Variants in PARD3B observed in about 807,000 individuals in gnomAD.
PARD3B encodes par-3 family cell polarity regulator beta, also known as partitioning defective 3 homolog B.
Under a neutral mutation model 130.2 loss-of-function variants are expected in PARD3B, and 103 were observed. That is an observed-to-expected ratio of 0.79 (90% CI 0.67 to 0.93). PARD3B has a LOEUF of 0.93. Among genes scored for constraint, PARD3B ranks in the 40% least tolerant of loss-of-function variants. The pLI, the probability that PARD3B is intolerant of heterozygous loss-of-function variation, is 0.00. For synonymous variants in PARD3B, 583 were observed against 553.2 expected (o/e 1.05, Z -0.76); for missense variants, 1,609 against 1,499.2 (o/e 1.07, Z -1.21).
At chr2:204,795,824 T>C (rs1332814341) in intron 2 of PARD3B, among the ~76,000 whole-genome samples, 1 of 152,262 alleles carries the variant, frequency 6.6e-6, no homozygotes, top group Non-Finnish European at 1.5e-5. Flanking sequence ...AAATCATTTT[T>C]AGTTTACTAA....
chr2:205,587,005 G>GTC (rs2054220551), intron 22 of PARD3B, among the ~76,000 whole-genome samples: 1 of 152,158 alleles, frequency 6.6e-6, no homozygotes, highest in Non-Finnish European at 1.5e-5. Flanking sequence ...AGAGCAAAGA[G>GTC]TCTCCATGCC....
At chr2:205,172,706 T>A (rs982733813) in intron 12 of PARD3B, among the ~76,000 whole-genome samples, 7 of 152,202 alleles carry the variant, frequency 4.6e-5, no homozygotes, top group African/African-American at 1.7e-4. Context: ...AGAAAGTGTC[T>A]AATCACATGT....
At chr2:204,866,319 G>A (rs1449202931) in intron 2 of PARD3B, among the ~76,000 whole-genome samples, 1 of 152,108 alleles carries the variant, frequency 6.6e-6, no homozygotes, top group East Asian at 1.9e-4. Context: ...GTGAGCTTTT[G>A]TTGTGAGTTA....
At chr2:205,205,753 G>C (rs188530876) in intron 15 of PARD3B, among the ~76,000 whole-genome samples, 2 of 152,282 alleles carry the variant, frequency 1.3e-5, no homozygotes, top group East Asian at 3.9e-4. Flanking sequence ...TACATTAATT[G>C]ATTTGCGTAT....
At position 205,158,650 on chromosome 2, in the gene PARD3B, T is replaced by C; in HGVS notation, c.1435-72T>C. ...CTGTCCTACTGATTGCATCTGTGTC[T>C]GGTCATCTGAGAGAGTGAAATATTA... is the stretch of plus-strand genomic sequence containing the variant. On this transcript the variant is annotated intron_variant, in intron 10 of 22. Coordinates refer to ENST00000406610, the MANE Select transcript of PARD3B (RefSeq NM_001302769.2). This position sits in a 1 kb window ranked among gnomAD's most constrained non-coding sequence, Gnocchi z 5.4. The C allele has an allele frequency of 7.1e-7, 1 of 1,417,520 alleles. No homozygotes were observed. Among genetic ancestry groups the C allele is most frequent in the Non-Finnish European group, 9.7e-7 (1 of 1,031,100 alleles). The allele number at this position is 1,417,520 out of a possible 1,614,324, so 87.8% of individuals were successfully genotyped here.
At chr2:204,612,329 A>G (rs1246622299) in intron 1 of PARD3B, among the ~76,000 whole-genome samples, 1 of 152,214 alleles carries the variant, frequency 6.6e-6, no homozygotes, top group African/African-American at 2.4e-5. Flanking sequence ...ACAACAACAA[A>G]CCATATAGCC....
chr2:204,989,917 C>A (rs1369664773), intron 3 of PARD3B, among the ~76,000 whole-genome samples: 1 of 152,018 alleles, frequency 6.6e-6, no homozygotes, highest in African/African-American at 2.4e-5. Context: ...GAACATATAA[C>A]AATTTTCTCT....
intron 3 of PARD3B, among the ~76,000 whole-genome samples, chr2:205,037,171 G>A (rs989253669): frequency 1.4e-5 from 2 of 139,358 alleles, no homozygotes; most frequent in Non-Finnish European, 1.5e-5. Flanking sequence ...CATATATAGC[G>A]GACTGTATAT....
At chr2:204,863,092 G>T (rs2045276484) in intron 2 of PARD3B, among the ~76,000 whole-genome samples, 1 of 152,162 alleles carries the variant, frequency 6.6e-6, no homozygotes, top group African/African-American at 2.4e-5. Flanking sequence ...TCAGCCTTCA[G>T]GCTGTTTTAG....
intron 18 of PARD3B, among the ~76,000 whole-genome samples, chr2:205,355,033 A>G (rs924120566): frequency 6.6e-6 from 1 of 152,200 alleles, no homozygotes; most frequent in African/African-American, 2.4e-5. Flanking sequence ...ACTTCTCAGA[A>G]TGGTGCATCT....
At chr2:205,240,217 GA>G (rs1322469398) in intron 15 of PARD3B, among the ~76,000 whole-genome samples, 1 of 152,146 alleles carries the variant, frequency 6.6e-6, no homozygotes, top group Non-Finnish European at 1.5e-5. Context: ...TAAAGGAGAG[GA>G]AAATTGATTT....
intron 3 of PARD3B, among the ~76,000 whole-genome samples, chr2:204,970,578 C>T (rs1193243032): frequency 1.3e-5 from 2 of 152,176 alleles, no homozygotes; most frequent in Non-Finnish European, 2.9e-5. Flanking sequence ...GCCAATTTCC[C>T]TGCTATGGCC....
At chr2:204,773,584 T>A (rs1028644281) in intron 2 of PARD3B, among the ~76,000 whole-genome samples, 11 of 152,178 alleles carry the variant, frequency 7.2e-5, no homozygotes, top group Non-Finnish European at 1.5e-4. Flanking sequence ...ATTTAATTTT[T>A]CTATTATTTA....
intron 3 of PARD3B, among the ~76,000 whole-genome samples, chr2:205,014,022 A>T (rs1695930400): frequency 6.6e-6 from 1 of 152,214 alleles, no homozygotes. Context: ...CCCACCTGCC[A>T]GCTCTGCTAC....
At chr2:205,498,108 G>A (rs1050005056) in intron 20 of PARD3B, among the ~76,000 whole-genome samples, 1 of 151,238 alleles carries the variant, frequency 6.6e-6, no homozygotes. Context: ...GCTGAGACAG[G>A]AGAATCGCTT....
chr2:204,979,264 T>C (rs893614494), intron 3 of PARD3B, among the ~76,000 whole-genome samples: 1 of 151,200 alleles, frequency 6.6e-6, no homozygotes, highest in Non-Finnish European at 1.5e-5. Context: ...TAAAATCAGA[T>C]CAACAGATGA....
chr2:204,599,450 T>C (rs2033422376), intron 1 of PARD3B, among the ~76,000 whole-genome samples: 1 of 152,024 alleles, frequency 6.6e-6, no homozygotes, highest in Non-Finnish European at 1.5e-5. Context: ...TTTGACTTTC[T>C]GTTCCTGGCT....
At chr2:205,038,922 G>A (rs190075840) in intron 3 of PARD3B, among the ~76,000 whole-genome samples, 67 of 152,252 alleles carry the variant, frequency 4.4e-4, no homozygotes, top group African/African-American at 1.6e-3. Flanking sequence ...TTTCCTTAGT[G>A]TGGTTTTCGC....
At position 205,325,867 on chromosome 2, in the gene PARD3B, CAAAT is replaced by C. The variant is rs2042922448; in HGVS notation, c.2630+24170_2630+24173del. On this transcript the variant is annotated intron_variant, in intron 18 of 22. Coordinates refer to ENST00000406610, the MANE Select transcript of PARD3B (RefSeq NM_001302769.2). The surrounding 1 kb of genome is among the most constrained non-coding windows in gnomAD (Gnocchi z 4.1). ...ATATAGAAGGAACAAAATTGAAAAA[CAAAT>C]AAAAATAAATAAAACAATTGTGAGA... 1.3e-5 allele frequency among the ~76,000 whole-genome samples: 2 copies of C among 151,998 alleles called. No homozygotes were observed. The highest frequency in any genetic ancestry group is 2.4e-5 in the African/African-American group (1 of 41,376).
Sources: allele counts gnomAD v4.1 joint callset (sites outside exome capture counted in the v4.1 genomes callset), GRCh38; gene constraint gnomAD v4.1.1; non-coding constraint Gnocchi (gnomAD v3.1); transcripts MANE v1.5; gene names NCBI Gene and HGNC (gene_info 2026-07-23, HGNC 2026-07-21).